Variants in GALNT8 observed in about 807,000 individuals in gnomAD.
GALNT8 encodes the protein probable polypeptide N-acetylgalactosaminyltransferase 8.
Under a neutral mutation model 62.7 loss-of-function variants are expected in GALNT8, and 66 were observed. The ratio of observed to expected loss-of-function variants is 1.05; its 90% CI spans 0.86 to 1.29. The LOEUF (loss-of-function observed/expected upper bound fraction) is 1.29. Among genes scored for constraint, GALNT8 ranks in the 50% most tolerant of loss-of-function variants. The probability of loss-of-function intolerance (pLI) is 0.00; values close to 1 mark genes in which losing one functional copy is unlikely to be tolerated. For missense variants in GALNT8, 771 were observed against 791.8 expected (o/e 0.97, Z 0.32); for synonymous variants, 288 against 294.3 (o/e 0.98, Z 0.22).
At chr12:4,760,250 C>A (rs760964294) in intron 6 of GALNT8, among the ~76,000 whole-genome samples, 5 of 152,188 alleles carry the variant, frequency 3.3e-5, no homozygotes, top group Non-Finnish European at 7.3e-5. Context: ...TTGAAGTCTT[C>A]CAGGCTGAGG....
intron 7 of GALNT8, 74 bp from the exon 8 acceptor site, chr12:4,763,179 C>A: frequency 8.1e-7 from 1 of 1,235,792 alleles, no homozygotes; most frequent in Non-Finnish European, 1.2e-6. Flanking sequence ...GAGTCCTTCT[C>A]AGGCCATATT....
intron 6 of GALNT8, among the ~76,000 whole-genome samples, chr12:4,758,071 AT>A (rs2137539459): frequency 6.6e-6 from 1 of 152,200 alleles, no homozygotes; most frequent in South Asian, 2.1e-4. Flanking sequence ...TCTACAAGAC[AT>A]TCTTTCTTTT....
At position 4,739,213 on chromosome 12, in the gene GALNT8, T is replaced by C. The variant is rs758369740; in HGVS notation, c.560T>C (p.Leu187Pro). 6.2e-7 allele frequency: 1 copy of C among 1,610,286 alleles called. No individual in the cohort carries two copies. The highest frequency in any genetic ancestry group is 8.5e-7 in the Non-Finnish European group (1 of 1,176,514). Reference protein sequence around the residue: ...PSQLPSLSVILIFVNEALSII... With the variant: ...PSQLPSLSVIPIFVNEALSII... ...CAACTCCCATCCCTCAGTGTCATTC[T>C]CATATTCGTGAATGAAGCTCTGTCC... Residue 187 changes from leucine (L) to proline (P), a missense_variant, in exon 3 of 11, where the codon CTC becomes CCC. Leu to Pro is a moderately conservative substitution (Grantham distance 98). Coordinates refer to ENST00000252318, the MANE Select transcript of GALNT8 (RefSeq NM_017417.2).
chr12:4,746,621 G>A (rs1946301217), intron 6 of GALNT8, among the ~76,000 whole-genome samples: 1 of 152,182 alleles, frequency 6.6e-6, no homozygotes, highest in Non-Finnish European at 1.5e-5. Flanking sequence ...GGAGTGGGCA[G>A]CGTGACTAGG....
At position 4,763,476 on chromosome 12, in the gene GALNT8, C is replaced by T; in HGVS notation, c.1497+86C>T. 2.8e-6 allele frequency: 3 copies of T among 1,066,742 alleles called. No individual in the cohort carries two copies. The South Asian group carries it at 4.2e-5, about 15-fold the overall frequency. 66.1% of individuals were successfully genotyped at this position (1,066,742 alleles called of 1,614,324 possible). ...CTGAATCTCGTGATTGCCTGTCCTG[C>T]CCAAGACGCCCTTCCTACCTCAGCT... On this transcript the variant is annotated intron_variant, in intron 8 of 10. Transcript: ENST00000252318.
Position 4,749,243 on chromosome 12 carries a change from C to T in GALNT8, c.1173+2985C>T, listed in dbSNP as rs1312599214. 2.0e-5 allele frequency among the ~76,000 whole-genome samples: 3 copies of T among 152,106 alleles called. No individual in the cohort carries two copies. Among genetic ancestry groups the T allele is most frequent in the African/African-American group, 7.2e-5 (3 of 41,434 alleles). On this transcript the variant is annotated intron_variant, in intron 6 of 10. Coordinates refer to ENST00000252318, the MANE Select transcript of GALNT8 (RefSeq NM_017417.2). The surrounding 1 kb of genome is among the most constrained non-coding windows in gnomAD (Gnocchi z 4.1). ...TCTAGCTAGGACTTCCAGTAGTACA[C>T]TGAATAACAGTGGTGAAAATGGGCA...
chr12:4,725,486 A>C (rs914318654), intron 1 of GALNT8, among the ~76,000 whole-genome samples: 2 of 152,090 alleles, frequency 1.3e-5, no homozygotes, highest in East Asian at 3.9e-4. Context: ...GCTCTACCCC[A>C]GAATTGAGTC....
chr12:4,729,180 C>A (rs1157977398), intron 2 of GALNT8, among the ~76,000 whole-genome samples: 1 of 152,060 alleles, frequency 6.6e-6, no homozygotes, highest in Non-Finnish European at 1.5e-5. Context: ...TATATCTTAT[C>A]ATGTACAATA....
rs1242120180 is a variant in GALNT8 at position 4,720,458 on chromosome 12, C to T, written c.-220C>T. On this transcript the variant is annotated 5_prime_UTR_variant, in exon 1 of 11. Transcript: ENST00000252318. The stretch of plus-strand genomic sequence containing the variant: ...GAGCAACCTGTGGAAAGCCGCTGAG[C>T]GGTTATCCTCTCGGGGCATAAAGAC... 11 of 556,786 alleles carry T rather than the reference C, an allele frequency of 2.0e-5. No individual in the cohort carries two copies. Among genetic ancestry groups the T allele is most frequent in the Middle Eastern group, 4.9e-4 (1 of 2,030 alleles). The allele number at this position is 556,786 out of a possible 1,614,324, so 34.5% of individuals were successfully genotyped here.
At chr12:4,751,615 A>G (rs930728357) in intron 6 of GALNT8, among the ~76,000 whole-genome samples, 1 of 152,174 alleles carries the variant, frequency 6.6e-6, no homozygotes, top group African/African-American at 2.4e-5. Context: ...CTGTGGTCAG[A>G]GAAGATGCAT....
At chr12:4,721,904 C>CCGCA (rs1344188271) in intron 1 of GALNT8, among the ~76,000 whole-genome samples, 10 of 152,174 alleles carry the variant, frequency 6.6e-5, no homozygotes, top group African/African-American at 1.9e-4. Flanking sequence ...CTGTGGCCTT[C>CCGCA]CGCAGTGTTT....
At chr12:4,734,987 G>A (rs1238307952) in intron 2 of GALNT8, among the ~76,000 whole-genome samples, 6 of 152,252 alleles carry the variant, frequency 3.9e-5, no homozygotes. Flanking sequence ...GAGCTACGCT[G>A]TGAGTAACTG....
At chr12:4,740,042 G>A (rs1249169692) in intron 3 of GALNT8, among the ~76,000 whole-genome samples, 2 of 152,162 alleles carry the variant, frequency 1.3e-5, no homozygotes, top group African/African-American at 4.8e-5. Context: ...CAGATACCAG[G>A]AAGGGACTTA....
intron 6 of GALNT8, 23 bp downstream of exon 6, chr12:4,746,281 T>C (rs954544771): frequency 1.6e-6 from 2 of 1,275,382 alleles, no homozygotes; most frequent in Middle Eastern, 1.9e-4. Context: ...CCCTTTTCTT[T>C]ATGGGACAAA....
intron 1 of GALNT8, among the ~76,000 whole-genome samples, chr12:4,721,901 C>T (rs1286954504): frequency 6.6e-6 from 1 of 152,160 alleles, no homozygotes; most frequent in Non-Finnish European, 1.5e-5. Context: ...TCCCTGTGGC[C>T]TTCCGCAGTG....
At chr12:4,745,701 C>A in intron 5 of GALNT8, 75 bp downstream of exon 5, 1 of 1,120,660 alleles carries the variant, frequency 8.9e-7, no homozygotes, top group Non-Finnish European at 1.3e-6. Context: ...TTTTGTTTAT[C>A]TTTGGTGGTA....
In GALNT8 at chr12:4,720,556, G is replaced by A; in HGVS notation, c.-122G>A. 1.4e-6 allele frequency: 1 copy of A among 713,444 alleles called. No individual in the cohort carries two copies. Among genetic ancestry groups the A allele is most frequent in the East Asian group, 2.6e-5 (1 of 38,276 alleles). 44.2% of individuals were successfully genotyped at this position (713,444 alleles called of 1,614,324 possible). A position where few individuals can be genotyped will look rare whatever the true frequency, so the allele number is the denominator to read the frequency against. On this transcript the variant is annotated 5_prime_UTR_variant, in exon 1 of 11. Transcript: ENST00000252318. ...TCCCATGGGTGTCTCACACAGGGGA[G>A]ACCAACTCAACTGGCACCTAGAACT...
intron 6 of GALNT8, among the ~76,000 whole-genome samples, chr12:4,755,245 A>G (rs1946339451): frequency 6.6e-6 from 1 of 152,186 alleles, no homozygotes; most frequent in Non-Finnish European, 1.5e-5. Context: ...GCCTGGTGGC[A>G]AGGTTTGTGG....
rs773653105 is a variant in GALNT8, at chr12:4,761,023, C to A, written c.1239C>A (p.His413Gln). ...CCCGGATTGCCCACCTAGAGAGACA[C>A]CACAAGCCCTACGCCTTGGATCTCA... Reference protein sequence around the residue: ...PCSRIAHLERHHKPYALDLTA... With the variant: ...PCSRIAHLERQHKPYALDLTA... Residue 413 changes from histidine (H) to glutamine (Q), a missense_variant, in exon 7 of 11, where the codon CAC (histidine) becomes CAA (glutamine). His to Gln is a conservative substitution (Grantham distance 24, BLOSUM62 0). Transcript: ENST00000252318. The A allele has an allele frequency of 1.2e-5, 19 of 1,614,020 alleles. No homozygotes were observed. The highest frequency in any genetic ancestry group is 1.5e-5 in the Non-Finnish European group (18 of 1,179,942).
Sources: allele counts gnomAD v4.1 joint callset (sites outside exome capture counted in the v4.1 genomes callset), GRCh38; gene constraint gnomAD v4.1.1; non-coding constraint Gnocchi (gnomAD v3.1); transcripts MANE v1.5; gene names NCBI Gene and HGNC (gene_info 2026-07-23, HGNC 2026-07-21).